Variants in TASP1 observed in about 807,000 individuals in gnomAD.
TASP1 encodes threonine aspartase 1.
Under a neutral mutation model 56.6 loss-of-function variants are expected in TASP1, and 16 were observed. The ratio of observed to expected loss-of-function variants is 0.28; its 90% CI spans 0.19 to 0.43. TASP1 has a LOEUF of 0.43. Among genes scored for constraint, TASP1 ranks in the 20% least tolerant of loss-of-function variants. The pLI, the probability that TASP1 is intolerant of heterozygous loss-of-function variation, is 1.00. For synonymous variants in TASP1, 179 were observed against 184.2 expected (o/e 0.97, Z 0.23); for missense variants, 393 against 511.6 (o/e 0.77, Z 2.24).
chr20:13,459,080 G>C (rs2043956154), intron 11 of TASP1, among the ~76,000 whole-genome samples: 1 of 152,100 alleles, frequency 6.6e-6, no homozygotes, highest in Admixed American at 6.6e-5. Context: ...ACCCCTCAAA[G>C]ATTTATGCCC....
At chr20:13,351,632 G>A in the TASP1 span, among the ~76,000 whole-genome samples, 190 of 152,340 alleles carry the variant, frequency 1.2e-3, no homozygotes, top group Non-Finnish European at 2.6e-3. Context: ...GGGGTGAGGA[G>A]AGAATTTGCC....
chr20:13,520,315 G>A (rs1038669533), intron 10 of TASP1, among the ~76,000 whole-genome samples: 1 of 152,160 alleles, frequency 6.6e-6, no homozygotes, highest in South Asian at 2.1e-4. Flanking sequence ...ACATTGCCAA[G>A]TCAATCCTAA....
the TASP1 span, among the ~76,000 whole-genome samples, chr20:13,198,950 G>C: frequency 6.7e-6 from 1 of 149,550 alleles, no homozygotes; most frequent in Non-Finnish European, 1.5e-5. Flanking sequence ...CTGTCACCCA[G>C]GCTGCACTGC....
Position 13,630,145 on chromosome 20 carries a change from G to A in TASP1, c.-67C>T, listed in dbSNP as rs2049031953. 5.9e-6 allele frequency: 9 copies of A among 1,529,580 alleles called. No homozygotes were observed. In the South Asian group the frequency reaches 1.1e-4, roughly 19 times the overall value. The allele number at this position is 1,529,580 out of a possible 1,614,324, so 94.8% of individuals were successfully genotyped here. A position where few individuals can be genotyped will look rare whatever the true frequency, so the allele number is the denominator to read the frequency against. On this transcript the variant is annotated 5_prime_UTR_variant, in exon 2 of 14. Coordinates refer to ENST00000337743, the MANE Select transcript of TASP1 (RefSeq NM_017714.3). The stretch of plus-strand genomic sequence containing the variant: ...CCATCCAAAAGTAATTGCAGGAGAG[G>A]AATTACCCTAAAGGAAAACAGGCAA...
At chr20:13,519,619 T>A (rs184328391) in intron 10 of TASP1, among the ~76,000 whole-genome samples, 90 of 152,216 alleles carry the variant, frequency 5.9e-4, no homozygotes, top group African/African-American at 2.0e-3. Context: ...ATGGGAAGTA[T>A]CTCAAAATAA....
chr20:13,481,303 G>A (rs988307802), intron 11 of TASP1, among the ~76,000 whole-genome samples: 8 of 152,018 alleles, frequency 5.3e-5, no homozygotes, highest in South Asian at 4.2e-4. Flanking sequence ...TATGTGCCAC[G>A]TTTTCTTTAT....
At chr20:13,345,815 GAT>G in the TASP1 span, among the ~76,000 whole-genome samples, 3,498 of 151,584 alleles carry the variant, frequency 0.023, 58 homozygotes, top group Non-Finnish European at 0.033. Flanking sequence ...GGCAGCTGAG[GAT>G]GGTGAGCAGG....
At chr20:13,221,700 C>T in the TASP1 span, 1 of 1,250,008 alleles carries the variant, frequency 8.0e-7, no homozygotes, top group Non-Finnish European at 1.0e-6. Flanking sequence ...TCCCGGGCTC[C>T]TACTCCTCCT....
rs1269125816 is a variant in TASP1, at chr20:13,525,291, C to T, written c.874+3142G>A. Among the ~76,000 whole-genome samples, 3 of 152,150 alleles carry T rather than the reference C, an allele frequency of 2.0e-5. No individual in the cohort carries two copies. The East Asian group carries it at 5.8e-4, about 29-fold the overall frequency. On this transcript the variant is annotated intron_variant, in intron 10 of 13. Transcript: ENST00000337743. ...TTCTGGTTTTACAAATAACCCCTTG[C>T]CCAGGCTCCACAGCTAGTGGGTCTG...
intron 11 of TASP1, among the ~76,000 whole-genome samples, chr20:13,470,998 C>A (rs2044469430): frequency 6.6e-6 from 1 of 152,140 alleles, no homozygotes. Context: ...TCTTTTCTAT[C>A]CCCTTCAAAG....
chr20:13,171,778 A>G, the TASP1 span, among the ~76,000 whole-genome samples: 1 of 152,168 alleles, frequency 6.6e-6, no homozygotes. Flanking sequence ...GCAATACCAA[A>G]GTGGGTAGCC....
chr20:13,434,987 CA>C, intron 12 of TASP1, 56 bp downstream of exon 12: 1 of 1,298,262 alleles, frequency 7.7e-7, no homozygotes. Flanking sequence ...TAAATATTTT[CA>C]TTTTTTCTTG....
At chr20:13,612,902 C>G (rs2048397007) in intron 4 of TASP1, among the ~76,000 whole-genome samples, 1 of 152,078 alleles carries the variant, frequency 6.6e-6, no homozygotes, top group African/African-American at 2.4e-5. Flanking sequence ...CAGGACTTGC[C>G]CCTCCATCTT....
At chr20:13,414,850 C>A (rs1035054205) in intron 13 of TASP1, among the ~76,000 whole-genome samples, 1 of 152,026 alleles carries the variant, frequency 6.6e-6, no homozygotes, top group Non-Finnish European at 1.5e-5. Context: ...GAACCTACCT[C>A]TATTTATTCA....
At chr20:13,441,243 C>T (rs939874203) in intron 11 of TASP1, among the ~76,000 whole-genome samples, 6 of 152,118 alleles carry the variant, frequency 3.9e-5, no homozygotes, top group African/African-American at 1.2e-4. Flanking sequence ...TCATTCAAAT[C>T]GCTAAATTAA....
chr20:13,160,049 G>A, the TASP1 span: 15 of 1,613,254 alleles, frequency 9.3e-6, no homozygotes, highest in Middle Eastern at 1.6e-4. Flanking sequence ...AGTGGTGGTC[G>A]TGGGATTTCC....
At chr20:13,162,560 C>T in the TASP1 span, among the ~76,000 whole-genome samples, 1,187 of 152,190 alleles carry the variant, frequency 7.8e-3, 41 homozygotes, top group Admixed American at 0.064. Flanking sequence ...AACCTAAAGG[C>T]TCATAGACTA....
At chr20:13,625,069 T>G in intron 3 of TASP1, 116 bp downstream of exon 3, 1 of 663,370 alleles carries the variant, frequency 1.5e-6, no homozygotes, top group Non-Finnish European at 2.4e-6. Context: ...AAAATAATTT[T>G]GTAGTCCAAA....
chr20:13,506,214 C>CTA (rs1601040047), intron 10 of TASP1, among the ~76,000 whole-genome samples: 1 of 142,068 alleles, frequency 7.0e-6, no homozygotes, highest in African/African-American at 2.6e-5. Context: ...AAGAAAATCT[C>CTA]AACAGACCAA....
Sources: allele counts gnomAD v4.1 joint callset (sites outside exome capture counted in the v4.1 genomes callset), GRCh38; gene constraint gnomAD v4.1.1; transcripts MANE v1.5; gene names NCBI Gene and HGNC (gene_info 2026-07-23, HGNC 2026-07-21).